The following SPDYE10 variants were observed in gnomAD, a reference collection of about 807,000 sequenced individuals.
The protein encoded by SPDYE10 is speedy/RINGO cell cycle regulator family member E10.
the SPDYE10 span, among the ~76,000 whole-genome samples, chr7:73,128,643 A>G: frequency 6.6e-6 from 1 of 151,094 alleles, no homozygotes; most frequent in African/African-American, 2.5e-5. Flanking sequence ...GTTGAAGTGC[A>G]TTTGACTTGT....
At chr7:73,127,294 T>C in the SPDYE10 span, among the ~76,000 whole-genome samples, 1 of 73,748 alleles carries the variant, frequency 1.4e-5, no homozygotes, top group Admixed American at 1.5e-4. Flanking sequence ...CTCATGCCTA[T>C]AATCCCAGCA....
the SPDYE10 span, among the ~76,000 whole-genome samples, chr7:73,114,204 AG>A: frequency 1.2e-4 from 16 of 136,270 alleles, no homozygotes; most frequent in Admixed American, 7.2e-4. Flanking sequence ...AGAAAGAAAA[AG>A]AAAAAAAAAG....
At chr7:73,127,411 TAGCC>T in the SPDYE10 span, among the ~76,000 whole-genome samples, 1 of 120,644 alleles carries the variant, frequency 8.3e-6, no homozygotes, top group African/African-American at 3.2e-5. Context: ...AAAAAAAAAT[TAGCC>T]AGGCATGGTG....
the SPDYE10 span, among the ~76,000 whole-genome samples, chr7:73,152,311 C>T: frequency 7.0e-6 from 1 of 142,588 alleles, no homozygotes; most frequent in East Asian, 2.0e-4. Context: ...CTGCACCCTG[C>T]CAGTTGTTTT....
chr7:73,150,948 A>ATATTTTT, the SPDYE10 span, among the ~76,000 whole-genome samples: 9 of 4,940 alleles, frequency 1.8e-3, no homozygotes, highest in African/African-American at 7.1e-3. Context: ...ATATATATAT[A>ATATTTTT]TTTTTTTTTT....
the SPDYE10 span, among the ~76,000 whole-genome samples, chr7:73,115,159 G>A: frequency 6.6e-6 from 1 of 151,988 alleles, no homozygotes; most frequent in African/African-American, 2.4e-5. Context: ...GCCTCCTAAA[G>A]TGCTGGGATT....
At chr7:73,135,120 TCAGCCCTGGGG>T in the SPDYE10 span, among the ~76,000 whole-genome samples, 23 of 152,360 alleles carry the variant, frequency 1.5e-4, no homozygotes, top group South Asian at 1.0e-3. Flanking sequence ...CTCTGCCTGC[TCAGCCCTGGGG>T]CAGCCCTGGG....
chr7:73,123,788 CCTCTCTCTCTCTCT>C, the SPDYE10 span, among the ~76,000 whole-genome samples: 2 of 97,456 alleles, frequency 2.1e-5, no homozygotes, highest in Non-Finnish European at 3.7e-5. Flanking sequence ...TCTCTCTCTC[CCTCTCTCTCTCTCT>C]CTCTCTCTCT....
At chr7:73,131,188 A>G in the SPDYE10 span, among the ~76,000 whole-genome samples, 23 of 132,374 alleles carry the variant, frequency 1.7e-4, no homozygotes, top group Admixed American at 2.2e-4. Context: ...GTGACAGAGC[A>G]AGACACTGTC....
chr7:73,114,999 C>T, the SPDYE10 span, among the ~76,000 whole-genome samples: 9 of 152,160 alleles, frequency 5.9e-5, no homozygotes, highest in South Asian at 2.1e-4. Context: ...CGGGTTCAAG[C>T]GATTCCCCCA....
At chr7:73,115,197 GT>G in the SPDYE10 span, among the ~76,000 whole-genome samples, 1 of 152,112 alleles carries the variant, frequency 6.6e-6, no homozygotes, top group Non-Finnish European at 1.5e-5. Context: ...CACCTGGACT[GT>G]TCTTTTCTCT....
the SPDYE10 span, among the ~76,000 whole-genome samples, chr7:73,113,753 G>T: frequency 1.3e-5 from 2 of 151,924 alleles, no homozygotes; most frequent in African/African-American, 4.9e-5. Flanking sequence ...AAATTAGACG[G>T]GGCCAGGTGC....
the SPDYE10 span, among the ~76,000 whole-genome samples, chr7:73,114,698 G>A: frequency 2.7e-5 from 4 of 146,124 alleles, no homozygotes; most frequent in Non-Finnish European, 6.0e-5. Context: ...CACCACGGGT[G>A]TCTAATTTTT....
chr7:73,123,052 C>T, the SPDYE10 span, among the ~76,000 whole-genome samples: 1 of 151,154 alleles, frequency 6.6e-6, no homozygotes, highest in African/African-American at 2.4e-5. Flanking sequence ...TCTCAGAGGA[C>T]CCTGCTCCCA....
the SPDYE10 span, among the ~76,000 whole-genome samples, chr7:73,124,961 C>T: frequency 1.4e-5 from 2 of 146,206 alleles, no homozygotes; most frequent in Admixed American, 6.7e-5. Context: ...TCATGCAGAC[C>T]TCATCCCCAG....
the SPDYE10 span, among the ~76,000 whole-genome samples, chr7:73,148,867 G>GC: frequency 9.3e-6 from 1 of 106,976 alleles, no homozygotes; most frequent in South Asian, 4.2e-4. Context: ...GACATTAGAA[G>GC]CCAGAGACTG....
At chr7:73,129,692 CTA>C in the SPDYE10 span, among the ~76,000 whole-genome samples, 3 of 109,646 alleles carry the variant, frequency 2.7e-5, no homozygotes. Flanking sequence ...AGATTTTCTG[CTA>C]TGTTTCCTTC....
At chr7:73,139,623 C>T in the SPDYE10 span, among the ~76,000 whole-genome samples, 7 of 150,338 alleles carry the variant, frequency 4.7e-5, no homozygotes, top group African/African-American at 1.7e-4. Context: ...GCCCCCTGGC[C>T]TTTTTTTGTT....
At chr7:73,134,549 G>GAAAGAAAGAAAGAAAGAAAGAAAGAA in the SPDYE10 span, among the ~76,000 whole-genome samples, 3 of 152,012 alleles carry the variant, frequency 2.0e-5, no homozygotes, top group Admixed American at 1.3e-4. Context: ...AAGAAAGAAA[G>GAAAGAAAGAAAGAAAGAAAGAAAGAA]AAAGAAAGAA....
Sources: gnomAD v4.1 joint callset for allele counts (sites outside exome capture counted in the v4.1 genomes callset) on GRCh38, gnomAD v4.1.1 for gene constraint, MANE v1.5 for transcripts, NCBI Gene and HGNC (gene_info 2026-07-23, HGNC 2026-07-21) for gene names.